The following NSD1 variants were observed in gnomAD, a reference collection of about 807,000 sequenced individuals.
NSD1 encodes histone-lysine N-methyltransferase, H3 lysine-36 specific.
A neutral mutation model predicts 242.7 loss-of-function variants in NSD1; 26 were observed. The observed-to-expected ratio is 0.11, with a 90% CI of 0.08 to 0.15. NSD1 has a LOEUF of 0.15. NSD1 is among the 10% of genes least tolerant of loss of function. The pLI is 1.00. For missense variants in NSD1, 2,495 were observed against 3,272.8 expected (o/e 0.76, Z 5.80); for synonymous variants, 1,106 against 1,178.1 (o/e 0.94, Z 1.25).
intron 2 of NSD1, among the ~76,000 whole-genome samples, chr5:177,181,279 A>G (rs1760646634): frequency 6.6e-6 from 1 of 152,060 alleles, no homozygotes; most frequent in Non-Finnish European, 1.5e-5. Flanking sequence ...ACAGAGCAAG[A>G]CTGTCTCCAG....
chr5:177,152,682 T>C (rs1456759108), intron 2 of NSD1, among the ~76,000 whole-genome samples: 1 of 151,588 alleles, frequency 6.6e-6, no homozygotes, highest in Non-Finnish European at 1.5e-5. Flanking sequence ...GCCAGGATGG[T>C]CTTGATCTCC....
At chr5:177,246,025 C>T (rs887253108) in intron 9 of NSD1, among the ~76,000 whole-genome samples, 3 of 150,788 alleles carry the variant, frequency 2.0e-5, no homozygotes, top group Non-Finnish European at 4.4e-5. Flanking sequence ...GGCTGGAGTG[C>T]GGTGGCATGA....
At chr5:177,268,369 C>G (rs1486992070) in intron 15 of NSD1, among the ~76,000 whole-genome samples, 2 of 150,368 alleles carry the variant, frequency 1.3e-5, no homozygotes, top group Non-Finnish European at 3.0e-5. Flanking sequence ...GGAGATATAC[C>G]TAATGCTAAA....
At chr5:177,242,725 C>G (rs1309912893) in intron 8 of NSD1, among the ~76,000 whole-genome samples, 1 of 151,950 alleles carries the variant, frequency 6.6e-6, no homozygotes, top group Non-Finnish European at 1.5e-5. Context: ...GGCAGGGTTT[C>G]TCAATGGTAG....
intron 2 of NSD1, among the ~76,000 whole-genome samples, chr5:177,152,028 T>G (rs1306909038): frequency 2.0e-5 from 3 of 151,782 alleles, no homozygotes; most frequent in African/African-American, 7.3e-5. Context: ...ACCCGGCTAA[T>G]TTTTTGTATT....
chr5:177,154,993 G>A (rs1004129184), intron 2 of NSD1, among the ~76,000 whole-genome samples: 2 of 147,308 alleles, frequency 1.4e-5, no homozygotes, highest in Non-Finnish European at 3.0e-5. Context: ...ACCGTGCCCG[G>A]CAATTTTTTT....
At position 177,134,742 on chromosome 5, in the gene NSD1, G is replaced by C. The variant is rs534402937; in HGVS notation, c.-17-345G>C. On this transcript the variant is annotated intron_variant, in intron 1 of 22. Transcript: ENST00000439151. This position sits in a 1 kb window ranked among gnomAD's most constrained non-coding sequence, Gnocchi z 4.2. ...TTGCTTTTGAGAGATCCAGCTGCTC[G>C]ACCCCTGGCGAGGGAGGGGGAGGAC... is the stretch of plus-strand genomic sequence containing the variant. Among the ~76,000 whole-genome samples, 349 of 152,352 alleles carry C rather than the reference G, an allele frequency of 2.3e-3. 2 individuals carry two copies. The highest frequency in any genetic ancestry group is 4.2e-3 in the Non-Finnish European group (288 of 68,028).
intron 5 of NSD1, among the ~76,000 whole-genome samples, chr5:177,213,100 C>T (rs1763487130): frequency 6.6e-6 from 1 of 152,260 alleles, no homozygotes; most frequent in Middle Eastern, 3.4e-3. Flanking sequence ...AATAAAAATA[C>T]CAGAAGTACC....
rs1760332581 is a variant in NSD1, at chr5:177,297,631, CTT to C, written c.*2174_*2175del. 1 of 196,524 alleles carries C rather than the reference CTT, an allele frequency of 5.1e-6. No homozygotes were observed. Among genetic ancestry groups the C allele is most frequent in the Non-Finnish European group, 9.0e-6 (1 of 110,994 alleles). The allele number at this position is 196,524 out of a possible 1,614,324, so 12.2% of individuals were successfully genotyped here. A position where few individuals can be genotyped will look rare whatever the true frequency, so the allele number is the denominator to read the frequency against. On this transcript the variant is annotated 3_prime_UTR_variant, in exon 23 of 23. Coordinates refer to ENST00000439151, the MANE Select transcript of NSD1 (RefSeq NM_022455.5). ...TGTTGTGTGTTAAATTACCGTAGCTCTTTGTTTCATGAAATAAACTGTGAATT... is the reference window on the plus strand; with the variant it reads ...TGTTGTGTGTTAAATTACCGTAGCTCTGTTTCATGAAATAAACTGTGAATT...
At chr5:177,250,335 A>G (rs1755834726) in intron 11 of NSD1, among the ~76,000 whole-genome samples, 2 of 152,236 alleles carry the variant, frequency 1.3e-5, no homozygotes, top group South Asian at 4.1e-4. Flanking sequence ...GTTAAAGGTA[A>G]GGTGACCCTG....
chr5:177,135,040 C>A, intron 1 of NSD1, 47 bp from the exon 2 acceptor site: 2 of 1,518,128 alleles, frequency 1.3e-6, no homozygotes, highest in South Asian at 1.1e-5. Context: ...AGAGTCGAGT[C>A]AGATGGCCTA....
At chr5:177,261,673 T>C (rs1454811563) in intron 14 of NSD1, among the ~76,000 whole-genome samples, 5 of 152,172 alleles carry the variant, frequency 3.3e-5, no homozygotes, top group African/African-American at 1.2e-4. Context: ...TAAATGATAC[T>C]TTTCTAAGTT....
intron 2 of NSD1, among the ~76,000 whole-genome samples, chr5:177,153,769 C>T (rs148226519): frequency 2.6e-3 from 391 of 152,278 alleles, no homozygotes; most frequent in Admixed American, 6.5e-3. Flanking sequence ...ATATCTACTA[C>T]AGTCTTACTG....
chr5:177,247,935 A>G, intron 10 of NSD1: 1 of 985,442 alleles, frequency 1.0e-6, no homozygotes, highest in Non-Finnish European at 1.2e-6. Context: ...GAAACCTTAA[A>G]ATGGAACAGC....
chr5:177,145,119 G>T (rs1757128860), intron 2 of NSD1, among the ~76,000 whole-genome samples: 2 of 151,008 alleles, frequency 1.3e-5, no homozygotes, highest in African/African-American at 4.9e-5. Context: ...CTTAAAAATG[G>T]AATATAAAAA....
Position 177,212,099 on chromosome 5 carries a change from T to G in NSD1, c.3700T>G (p.Leu1234Val). The G allele has an allele frequency of 6.2e-7, 1 of 1,614,004 alleles. No individual in the cohort carries two copies. The highest frequency in any genetic ancestry group is 8.5e-7 in the Non-Finnish European group (1 of 1,180,010). Residue 1234 changes from leucine (L) to valine (V), a missense_variant, in exon 5 of 23, where the codon TTA (leucine) becomes GTA (valine). By Grantham distance (32) the Leu-to-Val change is conservative. Coordinates refer to ENST00000439151, the MANE Select transcript of NSD1 (RefSeq NM_022455.5). The stretch of plus-strand genomic sequence containing the variant: ...CTGCTTAGATTCAGCTGGGCCACGG[T>G]TAAATGTTTGTGATAAATCCAGTGC... The part of the protein sequence containing the change: ...ADCLDSAGPR[L>V]NVCDKSSASI...
At chr5:177,277,531 C>A (rs1172746002) in intron 17 of NSD1, among the ~76,000 whole-genome samples, 2 of 152,148 alleles carry the variant, frequency 1.3e-5, no homozygotes, top group Non-Finnish European at 2.9e-5. Context: ...AATTACATAT[C>A]CATGTCTTTG....
chr5:177,162,392 AGTTTGTTT>A (rs151062416), intron 2 of NSD1, among the ~76,000 whole-genome samples: 4 of 151,142 alleles, frequency 2.6e-5, no homozygotes, highest in South Asian at 4.2e-4. Flanking sequence ...AAGTCATTAT[AGTTTGTTT>A]GTTTGTTTGT....
chr5:177,166,674 C>T (rs1445167066), intron 2 of NSD1, among the ~76,000 whole-genome samples: 1 of 151,130 alleles, frequency 6.6e-6, no homozygotes, highest in Non-Finnish European at 1.5e-5. Flanking sequence ...ACCCTTATCC[C>T]TAAATTTTCT....
Sources: allele counts gnomAD v4.1 joint callset (sites outside exome capture counted in the v4.1 genomes callset), GRCh38; gene constraint gnomAD v4.1.1; non-coding constraint Gnocchi (gnomAD v3.1); transcripts MANE v1.5; gene names NCBI Gene and HGNC (gene_info 2026-07-23, HGNC 2026-07-21).